FBXL2: variants seen among roughly 807,000 people sequenced by gnomAD.
FBXL2 encodes F-box and leucine rich repeat protein 2, also known as F-box/LRR-repeat protein 2.
Under a neutral mutation model 69.2 loss-of-function variants are expected in FBXL2, and 38 were observed. The ratio of observed to expected loss-of-function variants is 0.55; its 90% CI spans 0.42 to 0.72. The LOEUF is 0.72. Ranked by LOEUF, FBXL2 falls within the 30% of genes least tolerant of loss-of-function variation. The probability of loss-of-function intolerance (pLI) is 0.00; values close to 1 mark genes in which losing one functional copy is unlikely to be tolerated. For synonymous variants in FBXL2, 192 were observed against 201.3 expected (o/e 0.95, Z 0.39); for missense variants, 354 against 520.3 (o/e 0.68, Z 3.11).
intron 1 of FBXL2, chr3:33,289,813 A>C (rs2035042353): frequency 1.0e-6 from 1 of 984,666 alleles, no homozygotes; most frequent in Non-Finnish European, 1.2e-6. Context: ...GATTCTGCTG[A>C]AGGTTGGGGG....
intron 2 of FBXL2, among the ~76,000 whole-genome samples, chr3:33,337,817 A>G (rs1348030740): frequency 6.6e-6 from 1 of 152,222 alleles, no homozygotes; most frequent in Non-Finnish European, 1.5e-5. Flanking sequence ...TCTGTAGACC[A>G]ATAACGTCCA....
At chr3:33,323,255 A>G (rs894724893) in intron 2 of FBXL2, among the ~76,000 whole-genome samples, 1 of 152,148 alleles carries the variant, frequency 6.6e-6, no homozygotes, top group Non-Finnish European at 1.5e-5. Flanking sequence ...TCTAACTGGA[A>G]AATTTCACAT....
intron 1 of FBXL2, among the ~76,000 whole-genome samples, chr3:33,294,131 C>G (rs889897667): frequency 5.9e-5 from 9 of 152,168 alleles, no homozygotes; most frequent in African/African-American, 9.7e-5. Context: ...GAGTCTTGCT[C>G]TGTTGCCTAG....
At chr3:33,354,907 A>G (rs2154039549) in intron 2 of FBXL2, among the ~76,000 whole-genome samples, 1 of 152,346 alleles carries the variant, frequency 6.6e-6, no homozygotes, top group East Asian at 1.9e-4. Flanking sequence ...GTATATGAAA[A>G]TTAACATTAT....
intron 1 of FBXL2, among the ~76,000 whole-genome samples, chr3:33,287,141 G>A (rs977006213): frequency 1.3e-5 from 2 of 152,096 alleles, no homozygotes; most frequent in Admixed American, 6.5e-5. Context: ...TTCCCATTCC[G>A]CCATCTTGGA....
intron 2 of FBXL2, among the ~76,000 whole-genome samples, chr3:33,316,718 A>G (rs1405451681): frequency 6.6e-6 from 1 of 151,954 alleles, no homozygotes; most frequent in Non-Finnish European, 1.5e-5. Context: ...CTGTATTTTG[A>G]GGTTTGTGGG....
chr3:33,390,587 C>T (rs2043720691), downstream of FBXL2: 1 of 588,336 alleles, frequency 1.7e-6, no homozygotes, highest in Non-Finnish European at 3.0e-6. Flanking sequence ...GCCTGGCCCA[C>T]TATCAACGCC....
Position 33,377,341 on chromosome 3 carries a change from ATAGATT to A in FBXL2, c.849+11_849+16del, listed in dbSNP as rs754952957. ...TTTACACTTTTAGCTCGGGTAAGGC[ATAGATT>A]TAAAGAATACAACCAAACTCTAATT... On this transcript the variant is annotated intron_variant, in intron 11 of 14. Coordinates refer to ENST00000484457, the MANE Select transcript of FBXL2 (RefSeq NM_012157.5). 22 of 1,613,956 alleles carry A rather than the reference ATAGATT, an allele frequency of 1.4e-5. No individual in the cohort carries two copies. In the East Asian group the frequency reaches 3.8e-4, roughly 28 times the overall value.
chr3:33,328,666 C>G (rs1342612917), intron 2 of FBXL2, among the ~76,000 whole-genome samples: 1 of 152,066 alleles, frequency 6.6e-6, no homozygotes, highest in Non-Finnish European at 1.5e-5. Flanking sequence ...TGAAACTAGA[C>G]CCCTGTCTCT....
intron 2 of FBXL2, among the ~76,000 whole-genome samples, chr3:33,345,983 T>C (rs752567193): frequency 6.6e-6 from 1 of 152,128 alleles, no homozygotes; most frequent in Non-Finnish European, 1.5e-5. Context: ...TCCTAGCACT[T>C]TGGGAGGCCA....
At chr3:33,329,952 G>C (rs889644483) in intron 2 of FBXL2, among the ~76,000 whole-genome samples, 2 of 151,988 alleles carry the variant, frequency 1.3e-5, no homozygotes, top group African/African-American at 4.8e-5. Flanking sequence ...ACTCAAGCCT[G>C]GGTGACAGAG....
intron 10 of FBXL2, among the ~76,000 whole-genome samples, chr3:33,376,649 T>C (rs938069340): frequency 2.0e-5 from 3 of 152,220 alleles, no homozygotes; most frequent in African/African-American, 7.2e-5. Context: ...GGAATTTCCA[T>C]AAATGGAGTA....
intron 2 of FBXL2, among the ~76,000 whole-genome samples, chr3:33,324,578 G>GTT (rs1370911618): frequency 2.0e-5 from 3 of 152,122 alleles, no homozygotes; most frequent in Non-Finnish European, 4.4e-5. Context: ...CCCATTGCTT[G>GTT]TTTTTCTCAG....
chr3:33,394,431 C>T (rs1312281884), intron 12 of FBXL2, among the ~76,000 whole-genome samples: 3 of 151,958 alleles, frequency 2.0e-5, no homozygotes, highest in Non-Finnish European at 4.4e-5. Context: ...CCCTCCCCCA[C>T]AAAAAATTTT....
chr3:33,362,982 T>A (rs563687109), intron 4 of FBXL2, among the ~76,000 whole-genome samples: 18 of 152,276 alleles, frequency 1.2e-4, no homozygotes, highest in Non-Finnish European at 1.5e-5. Flanking sequence ...TATCAAAGAT[T>A]GGATTTTCAA....
the FBXL2 span, among the ~76,000 whole-genome samples, chr3:33,419,545 T>C: frequency 3.3e-5 from 5 of 151,346 alleles, no homozygotes; most frequent in Admixed American, 3.3e-4. Context: ...GGAGAATCAC[T>C]TGAACCTGTG....
chr3:33,367,544 C>T (rs2042032378), intron 5 of FBXL2, among the ~76,000 whole-genome samples: 1 of 151,302 alleles, frequency 6.6e-6, no homozygotes, highest in South Asian at 2.1e-4. Context: ...GTAAAATCTG[C>T]AGTGATATCC....
chr3:33,305,030 G>T (rs1481155771), intron 2 of FBXL2, among the ~76,000 whole-genome samples: 1 of 151,812 alleles, frequency 6.6e-6, no homozygotes, highest in Non-Finnish European at 1.5e-5. Flanking sequence ...TATAATCTTT[G>T]TACTGATATT....
chr3:33,285,125 C>T (rs2034466386), intron 1 of FBXL2, among the ~76,000 whole-genome samples: 1 of 152,188 alleles, frequency 6.6e-6, no homozygotes, highest in Non-Finnish European at 1.5e-5. Context: ...GATGCAGTTT[C>T]TTCTTAGCAT....
Sources: gnomAD v4.1 joint callset for allele counts (sites outside exome capture counted in the v4.1 genomes callset) on GRCh38, gnomAD v4.1.1 for gene constraint, MANE v1.5 for transcripts, NCBI Gene and HGNC (gene_info 2026-07-23, HGNC 2026-07-21) for gene names.